SCHIP1: variants seen among roughly 807,000 people sequenced by gnomAD.
SCHIP1 encodes the protein schwannomin interacting protein 1, also known as schwannomin-interacting protein 1.
Under a neutral mutation model 29.7 loss-of-function variants are expected in SCHIP1, and 8 were observed. That is an observed-to-expected ratio of 0.27 (90% CI 0.16 to 0.49). The LOEUF (loss-of-function observed/expected upper bound fraction) is 0.49, where lower values mean the gene tolerates loss of function less well. Among genes scored for constraint, SCHIP1 ranks in the 20% least tolerant of loss-of-function variants. SCHIP1 has a pLI of 0.99. For synonymous variants in SCHIP1, 76 were observed against 94.9 expected, an observed-to-expected ratio of 0.80 and a Z score of 1.16; for missense variants, 193 against 294.6, an observed-to-expected ratio of 0.66 and a Z score of 2.52.
the SCHIP1 span, among the ~76,000 whole-genome samples, chr3:159,814,609 C>G: frequency 2.0e-5 from 3 of 152,200 alleles, no homozygotes; most frequent in African/African-American, 4.8e-5. Flanking sequence ...TGTAGCTGGC[C>G]CATGTGCCGC....
chr3:159,791,594 T>C, the SCHIP1 span, among the ~76,000 whole-genome samples: 1 of 152,202 alleles, frequency 6.6e-6, no homozygotes, highest in Non-Finnish European at 1.5e-5. Flanking sequence ...CTCCTCTTGC[T>C]GGCCATTCCC....
the SCHIP1 span, among the ~76,000 whole-genome samples, chr3:159,450,158 C>T: frequency 6.6e-6 from 1 of 152,250 alleles, no homozygotes; most frequent in East Asian, 1.9e-4. Flanking sequence ...TTCACTCTTC[C>T]TATGCTAAAA....
chr3:159,435,251 T>C, the SCHIP1 span, among the ~76,000 whole-genome samples: 2 of 152,150 alleles, frequency 1.3e-5, no homozygotes, highest in Admixed American at 1.3e-4. Flanking sequence ...TTCCGTGTAA[T>C]TTGCATTTTG....
the SCHIP1 span, among the ~76,000 whole-genome samples, chr3:159,641,746 C>T: frequency 6.6e-6 from 1 of 152,176 alleles, no homozygotes; most frequent in East Asian, 1.9e-4. Flanking sequence ...CAAAGGCCCA[C>T]TCTTCACAGT....
chr3:159,502,891 G>A, the SCHIP1 span, among the ~76,000 whole-genome samples: 1 of 152,188 alleles, frequency 6.6e-6, no homozygotes, highest in Non-Finnish European at 1.5e-5. Context: ...GCCCCTGCAG[G>A]ATTAAGCAAG....
the SCHIP1 span, among the ~76,000 whole-genome samples, chr3:159,487,875 G>C: frequency 6.6e-6 from 1 of 152,142 alleles, no homozygotes; most frequent in Admixed American, 6.5e-5. Flanking sequence ...TAAAGTCTCT[G>C]TTAAATTACA....
chr3:159,890,625 T>G (rs1229571766), intron 5 of SCHIP1, among the ~76,000 whole-genome samples: 1 of 152,220 alleles, frequency 6.6e-6, no homozygotes, highest in African/African-American at 2.4e-5. Context: ...AGTTGAAAAT[T>G]AATTACTAGA....
chr3:159,279,192 C>T, the SCHIP1 span, among the ~76,000 whole-genome samples: 2 of 152,124 alleles, frequency 1.3e-5, no homozygotes. Context: ...ATCATGGGAG[C>T]AGGTTTTTCC....
the SCHIP1 span, among the ~76,000 whole-genome samples, chr3:159,499,953 T>C: frequency 4.0e-5 from 6 of 151,812 alleles, no homozygotes; most frequent in Non-Finnish European, 2.9e-5. Context: ...CACATGCTTA[T>C]CAGTCTCAAT....
At chr3:159,783,120 A>T in the SCHIP1 span, among the ~76,000 whole-genome samples, 1 of 152,154 alleles carries the variant, frequency 6.6e-6, no homozygotes, top group Admixed American at 6.5e-5. Flanking sequence ...CAGTAGCTGC[A>T]CTCTGCTAGA....
chr3:159,472,862 C>T, the SCHIP1 span, among the ~76,000 whole-genome samples: 1 of 152,138 alleles, frequency 6.6e-6, no homozygotes, highest in African/African-American at 2.4e-5. Context: ...AGTTAAGATT[C>T]AGTGGAAGAA....
the SCHIP1 span, among the ~76,000 whole-genome samples, chr3:159,715,838 T>C: frequency 2.6e-5 from 4 of 152,180 alleles, no homozygotes; most frequent in Admixed American, 6.5e-5. Flanking sequence ...CAGGATATTA[T>C]CCAGGAGAAC....
At chr3:159,481,895 G>A in the SCHIP1 span, among the ~76,000 whole-genome samples, 28 of 152,104 alleles carry the variant, frequency 1.8e-4, no homozygotes, top group Non-Finnish European at 2.8e-4. Context: ...TCAGAAAATC[G>A]GGCAGAGTGG....
chr3:159,774,006 C>T, the SCHIP1 span, among the ~76,000 whole-genome samples: 6 of 152,132 alleles, frequency 3.9e-5, no homozygotes, highest in Admixed American at 3.9e-4. Context: ...GACTTGTATG[C>T]CACTTACTTG....
At chr3:159,564,181 T>C in the SCHIP1 span, among the ~76,000 whole-genome samples, 3 of 152,164 alleles carry the variant, frequency 2.0e-5, no homozygotes, top group Admixed American at 6.5e-5. Flanking sequence ...TATACTTGCC[T>C]ATGTGTTACA....
chr3:159,312,667 C>G, the SCHIP1 span, among the ~76,000 whole-genome samples: 1 of 152,086 alleles, frequency 6.6e-6, no homozygotes, highest in Non-Finnish European at 1.5e-5. Context: ...ACACTTCATC[C>G]TTTAGGCAGA....
At chr3:159,741,460 GAGCTAGTATAAA>G in the SCHIP1 span, among the ~76,000 whole-genome samples, 1 of 152,174 alleles carries the variant, frequency 6.6e-6, no homozygotes, top group Admixed American at 6.5e-5. Flanking sequence ...TATTTATAAA[GAGCTAGTATAAA>G]ATTGCTGAGT....
chr3:159,355,530 T>C, the SCHIP1 span, among the ~76,000 whole-genome samples: 2 of 152,174 alleles, frequency 1.3e-5, no homozygotes, highest in African/African-American at 4.8e-5. Flanking sequence ...AAAATTGATT[T>C]CCTCAGATGC....
the SCHIP1 span, among the ~76,000 whole-genome samples, chr3:159,744,800 A>C: frequency 6.6e-6 from 1 of 151,922 alleles, no homozygotes; most frequent in Non-Finnish European, 1.5e-5. Context: ...ACACGGTGAA[A>C]CCTCACCTCT....
Sources: gnomAD v4.1 joint callset for allele counts (sites outside exome capture counted in the v4.1 genomes callset) on GRCh38, gnomAD v4.1.1 for gene constraint, MANE v1.5 for transcripts, NCBI Gene and HGNC (gene_info 2026-07-23, HGNC 2026-07-21) for gene names.